The following MIER1 variants were observed in gnomAD, a reference collection of about 807,000 sequenced individuals.
MIER1 encodes the protein mesoderm induction early response protein 1.
In MIER1, 40 loss-of-function variants were observed where a neutral mutation model predicts 75.7. The observed-to-expected ratio is 0.53, with a 90% CI of 0.41 to 0.69. The LOEUF is 0.69. MIER1 is among the 30% of genes least tolerant of loss of function. The probability of loss-of-function intolerance (pLI) is 0.00; values close to 1 mark genes in which losing one functional copy is unlikely to be tolerated. For synonymous variants in MIER1, 213 were observed against 223.4 expected (o/e 0.95, Z 0.42); for missense variants, 574 against 680.2 (o/e 0.84, Z 1.74).
Position 66,948,280 on chromosome 1 carries a change from A to G in MIER1, c.339+1985A>G, listed in dbSNP as rs567723372. The G allele has an allele frequency of 1.1e-4, 103 of 898,846 alleles. No individual in the cohort carries two copies. In the South Asian group the frequency reaches 4.8e-3, roughly 42 times the overall value. The allele number at this position is 898,846 out of a possible 1,614,324, so 55.7% of individuals were successfully genotyped here. A position where few individuals can be genotyped will look rare whatever the true frequency, so the allele number is the denominator to read the frequency against. ...CTCCATGATAAAAAGAACATAAGAAATAAGACATAGTGCCAGTCTTTAAGG... is the reference window on the plus strand; with the variant it reads ...CTCCATGATAAAAAGAACATAAGAAGTAAGACATAGTGCCAGTCTTTAAGG... On this transcript the variant is annotated intron_variant, in intron 4 of 13. Transcript: ENST00000401041.
chr1:66,930,194 A>T, intron 2 of MIER1: 3 of 1,363,706 alleles, frequency 2.2e-6, no homozygotes, highest in Non-Finnish European at 2.8e-6. Context: ...AGTCCAGCCC[A>T]GCCGGGGCGC....
intron 2 of MIER1, among the ~76,000 whole-genome samples, chr1:66,933,594 T>C (rs1292165503): frequency 3.3e-5 from 5 of 152,206 alleles, no homozygotes; most frequent in Admixed American, 2.0e-4. Flanking sequence ...ATGTTACTTA[T>C]GAAAACATTA....
intron 3 of MIER1, among the ~76,000 whole-genome samples, chr1:66,942,594 A>C (rs991343505): frequency 2.0e-5 from 3 of 152,056 alleles, no homozygotes; most frequent in South Asian, 2.1e-4. Context: ...TATTATTGGG[A>C]ATTTTTTTTT....
chr1:66,967,131 T>C (rs1215827492), intron 8 of MIER1, among the ~76,000 whole-genome samples: 7 of 152,224 alleles, frequency 4.6e-5, no homozygotes, highest in Admixed American at 4.6e-4. Context: ...TTGTAGTAGT[T>C]TCATAGTTTG....
intron 2 of MIER1, chr1:66,928,904 A>T (rs745833775): frequency 2.7e-5 from 43 of 1,606,732 alleles, no homozygotes; most frequent in Non-Finnish European, 1.1e-5. Context: ...TGTGCATCAG[A>T]TGTTTATGTT....
chr1:66,976,834 A>C (rs1377672843), intron 12 of MIER1, 112 bp downstream of exon 12: 2 of 895,626 alleles, frequency 2.2e-6, no homozygotes, highest in African/African-American at 3.4e-5. Flanking sequence ...CTTGATCTTA[A>C]CCAGAAGGCC....
chr1:66,967,685 A>G (rs67219200), intron 8 of MIER1, among the ~76,000 whole-genome samples: 11,463 of 150,454 alleles, frequency 0.076, 552 homozygotes, highest in African/African-American at 0.13. Context: ...TCTTTTGTCA[A>G]TATTTTATAG....
chr1:66,946,547 T>C (rs556079181), intron 4 of MIER1: 1 of 1,142,448 alleles, frequency 8.8e-7, no homozygotes, highest in East Asian at 4.9e-5. Flanking sequence ...GATTCTGCTA[T>C]AAAGGTCTGG....
chr1:66,977,820 T>TA (rs1185888950), intron 12 of MIER1, among the ~76,000 whole-genome samples: 1 of 151,704 alleles, frequency 6.6e-6, no homozygotes, highest in African/African-American at 2.4e-5. Flanking sequence ...TAATGCAAAA[T>TA]AAAAAATAAA....
Position 66,985,665 on chromosome 1 carries a change from T to C in MIER1, c.*765T>C, listed in dbSNP as rs1029925679. 123 of 985,084 alleles carry C rather than the reference T, an allele frequency of 1.2e-4. No individual in the cohort carries two copies. The highest frequency in any genetic ancestry group is 1.4e-4 in the Non-Finnish European group (112 of 829,628). The allele number at this position is 985,084 out of a possible 1,614,324, so 61.0% of individuals were successfully genotyped here. ...TAATTTTCTTAACTTGTACAGTTGG[T>C]AAACTTTTATGAGAGGAATTGTTAT... is the stretch of plus-strand genomic sequence containing the variant. On this transcript the variant is annotated 3_prime_UTR_variant, in exon 14 of 14. Coordinates refer to ENST00000401041, the MANE Select transcript of MIER1 (RefSeq NM_001077700.3).
At chr1:66,935,955 C>G (rs977317588) in intron 2 of MIER1, among the ~76,000 whole-genome samples, 1 of 151,824 alleles carries the variant, frequency 6.6e-6, no homozygotes, top group Admixed American at 6.6e-5. Context: ...AAATGTTTTT[C>G]TACCTTTTTG....
In MIER1 at chr1:66,970,821, T is replaced by C; in HGVS notation, c.786T>C (p.Asp262=). 6.4e-7 allele frequency: 1 copy of C among 1,557,428 alleles called. No individual in the cohort carries two copies. Among genetic ancestry groups the C allele is most frequent in the Non-Finnish European group, 8.6e-7 (1 of 1,160,522 alleles). Residue 262 remains aspartate (D), a synonymous_variant, in exon 9 of 14, where the codon GAT becomes GAC. Coordinates refer to ENST00000401041, the MANE Select transcript of MIER1 (RefSeq NM_001077700.3). ...YKENEKVYEN[D]DQLLWDPEYL... ...TTACTAATTTAGTATATGAAAATGA[T>C]GATCAGCTCCTGTGGGACCCTGAGT... is the stretch of plus-strand genomic sequence containing the variant.
chr1:66,956,214 G>C (rs1467012197), intron 4 of MIER1, among the ~76,000 whole-genome samples: 4 of 152,146 alleles, frequency 2.6e-5, no homozygotes, highest in South Asian at 2.1e-4. Flanking sequence ...TTGCATCCAG[G>C]TGTTTGAGAC....
intron 12 of MIER1, 62 bp downstream of exon 12, chr1:66,976,784 CTTGAG>C (rs1352413548): frequency 1.5e-6 from 2 of 1,337,084 alleles, no homozygotes; most frequent in Non-Finnish European, 2.0e-6. Flanking sequence ...CTAGATTTTT[CTTGAG>C]TTAATTATTA....
chr1:66,966,189 C>T (rs1049803089), intron 8 of MIER1, among the ~76,000 whole-genome samples: 3 of 152,108 alleles, frequency 2.0e-5, no homozygotes, highest in African/African-American at 7.2e-5. Context: ...TTGCCCTTCT[C>T]CCCACCCCAC....
chr1:66,940,415 A>G (rs936402531), intron 3 of MIER1, among the ~76,000 whole-genome samples: 2 of 151,890 alleles, frequency 1.3e-5, no homozygotes, highest in African/African-American at 4.8e-5. Flanking sequence ...AGGGATTTCA[A>G]AGTATTTTTA....
chr1:66,966,548 C>T (rs1662449153), intron 8 of MIER1, among the ~76,000 whole-genome samples: 2 of 152,154 alleles, frequency 1.3e-5, no homozygotes, highest in South Asian at 4.1e-4. Flanking sequence ...TGGGTATATG[C>T]CCAATAATGG....
At chr1:66,939,485 ATTGT>A (rs1305823606) in intron 2 of MIER1, among the ~76,000 whole-genome samples, 2 of 152,124 alleles carry the variant, frequency 1.3e-5, no homozygotes, top group African/African-American at 2.4e-5. Context: ...TTAAAAATAT[ATTGT>A]TTATCTGTAA....
At chr1:66,925,163 G>C in intron 1 of MIER1, 68 bp downstream of exon 1, 3 of 1,508,808 alleles carry the variant, frequency 2.0e-6, no homozygotes, top group Non-Finnish European at 2.6e-6. Context: ...CTCCTGAGGT[G>C]TCCTCAGTCC....
Sources: gnomAD v4.1 joint callset for allele counts (sites outside exome capture counted in the v4.1 genomes callset) on GRCh38, gnomAD v4.1.1 for gene constraint, MANE v1.5 for transcripts, NCBI Gene and HGNC (gene_info 2026-07-23, HGNC 2026-07-21) for gene names.